KIF1A: variants seen among roughly 807,000 people sequenced by gnomAD.
KIF1A encodes kinesin-like protein KIF1A.
KIF1A carries 46 observed loss-of-function variants against 227.3 expected under a neutral mutation model. The observed-to-expected ratio is 0.20, with a 90% confidence interval of 0.16 to 0.26. The LOEUF is 0.26. Ranked by LOEUF, KIF1A falls within the 10% of genes least tolerant of loss-of-function variation. KIF1A has a pLI of 1.00. For missense variants in KIF1A, 1,683 were observed against 2,485.9 expected (o/e 0.68, Z 6.87); for synonymous variants, 1,022 against 1,012.8 (o/e 1.01, Z -0.17).
At position 240,725,652 on chromosome 2, in the gene KIF1A, T is replaced by C. The variant is rs1575525987; in HGVS notation, c.4123-248A>G. The C allele has an allele frequency of 1.6e-5, 8 of 493,630 alleles. No individual in the cohort carries two copies. The highest frequency in any genetic ancestry group is 2.5e-5 in the Non-Finnish European group (7 of 278,470). 30.6% of individuals were successfully genotyped at this position (493,630 alleles called of 1,614,324 possible). ...TGCCTGAGGGACTGGTCTCCATGTGTGGGGACCCCGAGGGTCCCAGACATA... is the reference window on the plus strand; with the variant it reads ...TGCCTGAGGGACTGGTCTCCATGTGCGGGGACCCCGAGGGTCCCAGACATA... On this transcript the variant is annotated intron_variant, in intron 39 of 48. Transcript: ENST00000498729. This position sits in a 1 kb window ranked among gnomAD's most constrained non-coding sequence, Gnocchi z 5.8.
rs1019222756 is a variant in KIF1A, at chr2:240,713,936, T to G, written c.*3428A>C. ...GGGGTGTGCCCACAGCAATCACATA[T>G]GTACAAGCCAGGGACGCGGCCTCTG... On this transcript the variant is annotated 3_prime_UTR_variant, in exon 49 of 49. Coordinates refer to ENST00000498729, the MANE Select transcript of KIF1A (RefSeq NM_001244008.2). The G allele has an allele frequency of 6.5e-6, 1 of 152,722 alleles. No homozygotes were observed. The highest frequency in any genetic ancestry group is 1.9e-4 in the East Asian group (1 of 5,310). The allele number at this position is 152,722 out of a possible 1,614,324, so 9.5% of individuals were successfully genotyped here. A position where few individuals can be genotyped will look rare whatever the true frequency, so the allele number is the denominator to read the frequency against.
At chr2:240,799,844 A>G (rs1384552291) in intron 1 of KIF1A, among the ~76,000 whole-genome samples, 1 of 152,186 alleles carries the variant, frequency 6.6e-6, no homozygotes, top group Non-Finnish European at 1.5e-5. Context: ...AAATTAAGAA[A>G]ATATTGATGA....
At chr2:240,756,266 CA>C (rs1687452589) in intron 27 of KIF1A, among the ~76,000 whole-genome samples, 1 of 151,784 alleles carries the variant, frequency 6.6e-6, no homozygotes, top group Non-Finnish European at 1.5e-5. Context: ...TCTTAATCGC[CA>C]AAAAAAGGTT....
In KIF1A at chr2:240,721,065, G is replaced by C. The variant is rs750467041; in HGVS notation, c.4744-27C>G. On this transcript the variant is annotated intron_variant, in intron 44 of 48. Transcript: ENST00000498729. ...TGCGGAGGAGAGGCCTTTTTCAGGG[G>C]ACACAGGGAAGGGGGGTCTCCGGCC... 8.7e-6 allele frequency: 14 copies of C among 1,610,540 alleles called. No individual in the cohort carries two copies. In the South Asian group the frequency reaches 1.1e-4, roughly 13 times the overall value.
At chr2:240,723,382 G>A (rs910578954) in intron 42 of KIF1A, 31 bp downstream of exon 42, 21 of 1,529,706 alleles carry the variant, frequency 1.4e-5, no homozygotes, top group South Asian at 4.9e-5. Flanking sequence ...GGACACCACC[G>A]TGCGGGCCTC....
At chr2:240,733,363 A>G (rs2046973076) in intron 38 of KIF1A, among the ~76,000 whole-genome samples, 1 of 152,094 alleles carries the variant, frequency 6.6e-6, no homozygotes, top group African/African-American at 2.4e-5. Flanking sequence ...CAAGCCCGCC[A>G]GACTCACTGC....
chr2:240,723,656 T>C, intron 41 of KIF1A, 98 bp from the exon 42 acceptor site: 2 of 1,341,400 alleles, frequency 1.5e-6, no homozygotes, highest in Non-Finnish European at 2.0e-6. Context: ...GTCTCCCCTC[T>C]GGAGTGGAGA....
intron 33 of KIF1A, 120 bp downstream of exon 33, chr2:240,743,822 G>C: frequency 1.5e-6 from 1 of 664,088 alleles, no homozygotes; most frequent in Non-Finnish European, 2.6e-6. Context: ...TCCTGGATGG[G>C]CAGGGGAGGT....
At position 240,758,347 on chromosome 2, in the gene KIF1A, A is replaced by T. The variant is rs2050115711; in HGVS notation, c.2582+13T>A. The T allele has an allele frequency of 1.9e-6, 3 of 1,606,502 alleles. No homozygotes were observed. Among genetic ancestry groups the T allele is most frequent in the Non-Finnish European group, 2.6e-6 (3 of 1,176,460 alleles). ...AATCTCTCTCTCTGCCAAGGAAGGGAGGAGGCGCCCACCTGCCCACCAGCC... is the reference window on the plus strand; with the variant it reads ...AATCTCTCTCTCTGCCAAGGAAGGGTGGAGGCGCCCACCTGCCCACCAGCC... On this transcript the variant is annotated intron_variant, in intron 26 of 48. Transcript: ENST00000498729. This position sits in a 1 kb window ranked among gnomAD's most constrained non-coding sequence, Gnocchi z 5.2.
In KIF1A at chr2:240,792,262, CT is replaced by C. The variant is rs1347243405; in HGVS notation, c.107-2951del. The stretch of plus-strand genomic sequence containing the variant: ...CTCCCCGATTCTGCTGGAGAAAGGG[CT>C]TTTTTTGCCAGGGTCTGGAATTTTT... On this transcript the variant is annotated intron_variant, in intron 2 of 48. Transcript: ENST00000498729. This position sits in a 1 kb window ranked among gnomAD's most constrained non-coding sequence, Gnocchi z 4.5. Among the ~76,000 whole-genome samples, 1 of 152,078 alleles carries C rather than the reference CT, an allele frequency of 6.6e-6. No homozygotes were observed. Among genetic ancestry groups the C allele is most frequent in the Non-Finnish European group, 1.5e-5 (1 of 67,998 alleles).
At position 240,778,083 on chromosome 2, in the gene KIF1A, C is replaced by T. The variant is rs1450275130; in HGVS notation, c.883-2157G>A. ...TCCTCCCGCTCCCCACGCACTTCCT[C>T]GCGTTTCTCCACACGGTTCTTCACG... On this transcript the variant is annotated intron_variant, in intron 10 of 48. Coordinates refer to ENST00000498729, the MANE Select transcript of KIF1A (RefSeq NM_001244008.2). The surrounding 1 kb of genome is among the most constrained non-coding windows in gnomAD (Gnocchi z 7.2). Among the ~76,000 whole-genome samples the T allele has an allele frequency of 6.6e-6, 1 of 152,086 alleles. No homozygotes were observed. Among genetic ancestry groups the T allele is most frequent in the African/African-American group, 2.4e-5 (1 of 41,400 alleles).
At chr2:240,801,670 A>G (rs935410135) in intron 1 of KIF1A, among the ~76,000 whole-genome samples, 1 of 152,180 alleles carries the variant, frequency 6.6e-6, no homozygotes, top group African/African-American at 2.4e-5. Flanking sequence ...TGATTAGGTC[A>G]TGAGGGTGGG....
In KIF1A at chr2:240,722,523, A is replaced by T. The variant is rs938216953; in HGVS notation, c.4598T>A (p.Leu1533His). The part of the protein sequence containing the change: ...SHGSSSASSP[L>H]SAEGRPSPLE... ...GGGTGATGGGCGGCCCTCAGCCGAGAGCGGGGAGGAGGCGCTGGAGGAGCC... is the reference window on the plus strand; with the variant it reads ...GGGTGATGGGCGGCCCTCAGCCGAGTGCGGGGAGGAGGCGCTGGAGGAGCC... The change falls in exon 43 of 49, where the codon CTC becomes CAC. Residue 1533 changes from leucine to histidine, a missense_variant. Leu to His is a moderately conservative substitution (Grantham distance 99, BLOSUM62 -3). Transcript: ENST00000498729. The T allele has an allele frequency of 2.5e-5, 39 of 1,548,202 alleles. No individual in the cohort carries two copies. Among genetic ancestry groups the T allele is most frequent in the Non-Finnish European group, 3.3e-5 (38 of 1,146,636 alleles).
chr2:240,769,753 G>C (rs1409875486), intron 15 of KIF1A, 47 bp from the exon 16 acceptor site: 1 of 1,523,396 alleles, frequency 6.6e-7, no homozygotes, highest in Non-Finnish European at 9.1e-7. Context: ...CTAGGGCCAA[G>C]GGAGAGGACA....
intron 2 of KIF1A, among the ~76,000 whole-genome samples, chr2:240,791,238 G>A (rs531534347): frequency 2.2e-4 from 34 of 152,234 alleles, no homozygotes; most frequent in African/African-American, 7.7e-4. Context: ...CACCCGTGGC[G>A]CCGCCTCCAG....
intron 28 of KIF1A, among the ~76,000 whole-genome samples, 163 bp from the exon 29 acceptor site, chr2:240,747,484 G>A (rs1559497286): frequency 6.6e-6 from 1 of 152,158 alleles, no homozygotes; most frequent in Non-Finnish European, 1.5e-5. Flanking sequence ...GTGACAACCA[G>A]GGCATGTCCC....
chr2:240,759,670 C>T (rs1454205838), intron 25 of KIF1A, among the ~76,000 whole-genome samples: 1 of 152,176 alleles, frequency 6.6e-6, no homozygotes, highest in African/African-American at 2.4e-5. Flanking sequence ...TCAACTCCCC[C>T]ACTGATGGCG....
chr2:240,727,854 T>C (rs1045033675), intron 38 of KIF1A, among the ~76,000 whole-genome samples: 5 of 152,216 alleles, frequency 3.3e-5, no homozygotes, highest in African/African-American at 1.2e-4. Context: ...GCCTTCTGGA[T>C]GGCAGTGACT....
chr2:240,771,205 C>T (rs775141637), intron 14 of KIF1A, 101 bp from the exon 15 acceptor site: 26 of 1,385,310 alleles, frequency 1.9e-5, no homozygotes, highest in Non-Finnish European at 2.5e-5. Context: ...GTAGGGCGGG[C>T]AGACAGACAG....
Sources: gnomAD v4.1 joint callset for allele counts (sites outside exome capture counted in the v4.1 genomes callset) on GRCh38, gnomAD v4.1.1 for gene constraint, Gnocchi (gnomAD v3.1) non-coding constraint, MANE v1.5 for transcripts, NCBI Gene and HGNC (gene_info 2026-07-23, HGNC 2026-07-21) for gene names.